The following GMDS variants were observed in gnomAD, a reference collection of about 807,000 sequenced individuals.
The protein encoded by GMDS is GDP-mannose 4,6 dehydratase.
Under a neutral mutation model 49.9 loss-of-function variants are expected in GMDS, and 20 were observed. The observed-to-expected ratio is 0.40, with a 90% CI of 0.28 to 0.58. GMDS has a LOEUF of 0.58. Ranked by LOEUF, GMDS falls within the 20% of genes least tolerant of loss-of-function variation. The pLI is 0.42. For synonymous variants in GMDS, 177 were observed against 178.6 expected, an observed-to-expected ratio of 0.99 and a Z score of 0.07; for missense variants, 362 against 481.4, an observed-to-expected ratio of 0.75 and a Z score of 2.32.
At chr6:2,162,795 G>A (rs1777471269) in intron 1 of GMDS, among the ~76,000 whole-genome samples, 1 of 151,916 alleles carries the variant, frequency 6.6e-6, no homozygotes, top group Non-Finnish European at 1.5e-5. Flanking sequence ...CCTGGGTTGA[G>A]AGGAGACAGC....
intron 9 of GMDS, among the ~76,000 whole-genome samples, chr6:1,634,281 C>G (rs1763078848): frequency 6.6e-6 from 1 of 152,188 alleles, no homozygotes; most frequent in Admixed American, 6.5e-5. Flanking sequence ...TGTGATAGGG[C>G]TGTCCCTCTT....
At position 1,630,259 on chromosome 6, in the gene GMDS, T is replaced by C. The variant is rs112338040; in HGVS notation, c.988-5719A>G. ...AGAAAGCCCTTTCTAGCAGACATGC[T>C]GGAGATGTGTGGAGATGAGTGCGGC... On this transcript the variant is annotated intron_variant, in intron 9 of 10. Coordinates refer to ENST00000380815, the MANE Select transcript of GMDS (RefSeq NM_001500.4). Among the ~76,000 whole-genome samples the C allele has an allele frequency of 9.0e-3, 1,365 of 152,344 alleles. 19 individuals are homozygous for C. The highest frequency in any genetic ancestry group is 0.03 in the African/African-American group (1,265 of 41,574).
At chr6:2,120,252 AG>A (rs1165709421) in intron 2 of GMDS, among the ~76,000 whole-genome samples, 1 of 152,190 alleles carries the variant, frequency 6.6e-6, no homozygotes, top group Non-Finnish European at 1.5e-5. Flanking sequence ...GAGATAACAC[AG>A]CTAGTAAGTG....
intron 7 of GMDS, among the ~76,000 whole-genome samples, chr6:1,885,798 T>A (rs911059518): frequency 3.9e-5 from 6 of 152,320 alleles, no homozygotes; most frequent in African/African-American, 1.4e-4. Context: ...AGTGGCAGGC[T>A]GGCCTGGGAT....
chr6:2,243,374 A>C (rs1270274507), intron 1 of GMDS, among the ~76,000 whole-genome samples: 1 of 152,224 alleles, frequency 6.6e-6, no homozygotes, highest in Non-Finnish European at 1.5e-5. Flanking sequence ...ACTGATTCAT[A>C]CTGCTGGTCG....
intron 7 of GMDS, among the ~76,000 whole-genome samples, chr6:1,763,419 C>T (rs995758268): frequency 6.6e-5 from 10 of 152,172 alleles, no homozygotes; most frequent in Non-Finnish European, 8.8e-5. Context: ...AAAACCCCAG[C>T]GTCTCCCCAA....
At chr6:1,752,614 G>C (rs1767778239) in intron 7 of GMDS, among the ~76,000 whole-genome samples, 1 of 152,130 alleles carries the variant, frequency 6.6e-6, no homozygotes, top group South Asian at 2.1e-4. Context: ...ATGAAGGAAA[G>C]AATGTTAAGG....
At chr6:1,830,386 C>G (rs1771300314) in intron 7 of GMDS, among the ~76,000 whole-genome samples, 1 of 152,170 alleles carries the variant, frequency 6.6e-6, no homozygotes, top group Non-Finnish European at 1.5e-5. Context: ...TAGCGACAAC[C>G]AAAATGTCTC....
chr6:1,858,472 C>A (rs1027735806), intron 7 of GMDS, among the ~76,000 whole-genome samples: 1 of 152,138 alleles, frequency 6.6e-6, no homozygotes. Flanking sequence ...AATAACAATG[C>A]TTTGCTTGTC....
At chr6:1,890,404 G>C (rs1372803727) in intron 7 of GMDS, among the ~76,000 whole-genome samples, 1 of 152,074 alleles carries the variant, frequency 6.6e-6, no homozygotes, top group South Asian at 2.1e-4. Context: ...TTTAAGTCTT[G>C]TGCCTATTTT....
chr6:2,005,958 A>C (rs1767138046), intron 4 of GMDS, among the ~76,000 whole-genome samples: 1 of 152,022 alleles, frequency 6.6e-6, no homozygotes. Flanking sequence ...TCTGTCCCCT[A>C]CAGAACTCAT....
At chr6:1,763,434 A>G (rs1015491032) in intron 7 of GMDS, among the ~76,000 whole-genome samples, 16 of 152,238 alleles carry the variant, frequency 1.1e-4, no homozygotes, top group African/African-American at 3.9e-4. Flanking sequence ...CCCCAAGAGT[A>G]AACCTACTGG....
intron 9 of GMDS, among the ~76,000 whole-genome samples, chr6:1,707,672 G>A (rs1349560043): frequency 4.6e-5 from 7 of 151,782 alleles, no homozygotes; most frequent in Admixed American, 3.3e-4. Flanking sequence ...CTCCTCCCAG[G>A]CAGCCTGGCA....
intron 7 of GMDS, among the ~76,000 whole-genome samples, chr6:1,873,287 G>A (rs1419193768): frequency 6.6e-6 from 1 of 152,178 alleles, no homozygotes; most frequent in Non-Finnish European, 1.5e-5. Context: ...GACGGTGTTT[G>A]CATTTGACCT....
At chr6:2,204,205 T>A (rs1779682311) in intron 1 of GMDS, among the ~76,000 whole-genome samples, 2 of 151,978 alleles carry the variant, frequency 1.3e-5, no homozygotes, top group African/African-American at 4.8e-5. Context: ...TTCCCGGCCC[T>A]CTTTATGTTT....
intron 9 of GMDS, among the ~76,000 whole-genome samples, chr6:1,671,789 C>T (rs1370882601): frequency 1.3e-5 from 2 of 151,578 alleles, no homozygotes; most frequent in African/African-American, 2.4e-5. Flanking sequence ...CTCAGCCTCC[C>T]GAATAGCTGG....
At chr6:2,241,248 T>C (rs1024932471) in intron 1 of GMDS, among the ~76,000 whole-genome samples, 4 of 152,166 alleles carry the variant, frequency 2.6e-5, no homozygotes, top group Admixed American at 1.3e-4. Flanking sequence ...CGTACAACCA[T>C]TGTATCTTGG....
intron 7 of GMDS, among the ~76,000 whole-genome samples, chr6:1,880,543 G>A (rs1182108466): frequency 6.6e-6 from 1 of 152,126 alleles, no homozygotes; most frequent in Non-Finnish European, 1.5e-5. Context: ...ACACTGCTGA[G>A]CACTCTTCCT....
At chr6:1,627,761 G>T (rs1762886199) in intron 9 of GMDS, among the ~76,000 whole-genome samples, 1 of 152,134 alleles carries the variant, frequency 6.6e-6, no homozygotes, top group Non-Finnish European at 1.5e-5. Context: ...AGTGCAACTG[G>T]GTGGTCTGGA....
Sources: gnomAD v4.1 joint callset for allele counts (sites outside exome capture counted in the v4.1 genomes callset) on GRCh38, gnomAD v4.1.1 for gene constraint, MANE v1.5 for transcripts, NCBI Gene and HGNC (gene_info 2026-07-23, HGNC 2026-07-21) for gene names.